FRMPD3: variants seen among roughly 807,000 people sequenced by gnomAD.
The protein encoded by FRMPD3 is FERM and PDZ domain-containing protein 3.
A neutral mutation model predicts 97.9 loss-of-function variants in FRMPD3; 42 were observed. The ratio of observed to expected loss-of-function variants is 0.43; its 90% CI spans 0.34 to 0.55. The LOEUF is 0.55. FRMPD3 is among the 20% of genes least tolerant of loss of function. The pLI is 0.03. For synonymous variants in FRMPD3, 577 were observed against 581.1 expected (o/e 0.99, Z 0.10); for missense variants, 1,303 against 1,457.7 (o/e 0.89, Z 1.73).
At chrX:107,573,315 T>C (rs964463024) in intron 12 of FRMPD3, among the ~76,000 whole-genome samples, 1 of 111,373 alleles carries the variant, frequency 9.0e-6, no homozygotes, top group African/African-American at 3.3e-5. Context: ...CTAGTGAGTC[T>C]TGGGCCCTCG....
intron 1 of FRMPD3, among the ~76,000 whole-genome samples, chrX:107,502,786 T>A (rs1046225254): frequency 1.8e-5 from 2 of 112,625 alleles, no homozygotes; most frequent in Non-Finnish European, 1.9e-5. Context: ...ATATTTAAAA[T>A]CTTGTATTGC....
At chrX:107,530,587 C>A (rs957282568) in intron 3 of FRMPD3, 76 bp downstream of exon 3, 48 of 680,802 alleles carry the variant, frequency 7.1e-5, no homozygotes, top group Non-Finnish European at 9.7e-5. Flanking sequence ...CCACCACTAT[C>A]CCCCCCTCGC....
chrX:107,545,621 A>T lies in FRMPD3; in HGVS notation c.298-116A>T, dbSNP rs1312808322. On this transcript the variant is annotated intron_variant, in intron 4 of 14. Coordinates refer to ENST00000683843, the MANE Select transcript of FRMPD3 (RefSeq NM_001388459.1). ...ATAGGTAATTAATATTTGTTTATTG[A>T]CTCCTTGATCAGTAATGCAAAGTGT... The T allele has an allele frequency of 2.0e-5, 10 of 501,740 alleles. No homozygotes were observed. The Middle Eastern group carries it at 1.0e-3, about 51-fold the overall frequency. 41.3% of individuals were successfully genotyped at this position (501,740 alleles called of 1,213,427 possible). A position where few individuals can be genotyped will look rare whatever the true frequency, so the allele number is the denominator to read the frequency against.
intron 1 of FRMPD3, among the ~76,000 whole-genome samples, chrX:107,480,280 C>A (rs1921310032): frequency 9.0e-6 from 1 of 111,098 alleles, no homozygotes; most frequent in South Asian, 3.8e-4. Context: ...ATAGATGAGT[C>A]CCTGTGCAGT....
At chrX:107,527,879 G>A (rs940785666) in intron 2 of FRMPD3, among the ~76,000 whole-genome samples, 8 of 111,593 alleles carry the variant, frequency 7.2e-5, no homozygotes, top group South Asian at 3.8e-4. Context: ...ACAGGAGTCC[G>A]TGGCTGACCT....
intron 13 of FRMPD3, among the ~76,000 whole-genome samples, chrX:107,582,537 A>C (rs761876600): frequency 8.9e-6 from 1 of 112,491 alleles, no homozygotes; most frequent in Non-Finnish European, 1.9e-5. Context: ...GTGGTAGCTC[A>C]TGTTTACGAT....
At chrX:107,596,484 G>A (rs1924173603) in intron 13 of FRMPD3, among the ~76,000 whole-genome samples, 1 of 112,147 alleles carries the variant, frequency 8.9e-6, no homozygotes. Context: ...AAAACAGTGA[G>A]AGAAGGTATT....
intron 1 of FRMPD3, among the ~76,000 whole-genome samples, chrX:107,498,540 A>G (rs901713070): frequency 7.1e-5 from 8 of 112,118 alleles, no homozygotes; most frequent in African/African-American, 2.6e-4. Flanking sequence ...ACCCAGAAAT[A>G]GCTCCCCAAC....
intron 4 of FRMPD3, among the ~76,000 whole-genome samples, chrX:107,540,478 A>C (rs746968094): frequency 1.7e-3 from 193 of 112,123 alleles, no homozygotes; most frequent in Non-Finnish European, 3.1e-3. Flanking sequence ...ACAGACAACA[A>C]ATTTAAAAAA....
At chrX:107,540,943 T>C (rs1327014420) in intron 4 of FRMPD3, among the ~76,000 whole-genome samples, 1 of 112,736 alleles carries the variant, frequency 8.9e-6, no homozygotes, top group Non-Finnish European at 1.9e-5. Context: ...TATGAATTAG[T>C]GCAGAGGTTG....
chrX:107,554,321 G>A lies in FRMPD3; in HGVS notation c.643-64G>A, dbSNP rs1921987254. Reference sequence around the variant, plus strand: ...ACCTTAAAGAGCCACTGAGCTGCCAGCCCAACACCCCAGCCATTGATTCCA... The same window carrying A: ...ACCTTAAAGAGCCACTGAGCTGCCAACCCAACACCCCAGCCATTGATTCCA... On this transcript the variant is annotated intron_variant, in intron 7 of 14. Transcript: ENST00000683843. 3.5e-6 allele frequency: 4 copies of A among 1,147,108 alleles called. No homozygotes were observed. In the Admixed American group the frequency reaches 7.6e-5, roughly 22 times the overall value. 94.5% of individuals were successfully genotyped at this position (1,147,108 alleles called of 1,213,427 possible).
In FRMPD3 at chrX:107,603,134, A is replaced by G; in HGVS notation, c.5095A>G (p.Asn1699Asp). The change falls in exon 15 of 15, where the codon AAC (asparagine) becomes GAC (aspartate). Residue 1699 changes from asparagine (N) to aspartate (D), a missense_variant. This residue lies in a region of FRMPD3 where 764 missense variants were observed against 820.2 expected (regional missense o/e 0.93). Coordinates refer to ENST00000683843, the MANE Select transcript of FRMPD3 (RefSeq NM_001388459.1). Reference sequence around the variant, plus strand: ...GGCCAAGGTAGAAGAGGTGGTGAGGAACTACACCTTCCTGCTGCGTGCAGC... The same window carrying G: ...GGCCAAGGTAGAAGAGGTGGTGAGGGACTACACCTTCCTGCTGCGTGCAGC... Reference protein sequence around the residue: ...LLAKVEEVVRNYTFLLRAAEE... With the variant: ...LLAKVEEVVRDYTFLLRAAEE... 2 of 1,191,919 alleles carry G rather than the reference A, an allele frequency of 1.7e-6. No homozygotes were observed. The highest frequency in any genetic ancestry group is 2.3e-6 in the Non-Finnish European group (2 of 887,690).
intron 12 of FRMPD3, among the ~76,000 whole-genome samples, chrX:107,573,793 C>G (rs1923002253): frequency 8.9e-6 from 1 of 112,341 alleles, no homozygotes; most frequent in Non-Finnish European, 1.9e-5. Flanking sequence ...GTATTTGATC[C>G]AACACAAGAC....
intron 1 of FRMPD3, among the ~76,000 whole-genome samples, chrX:107,480,219 C>T (rs1921308467): frequency 9.0e-6 from 1 of 111,433 alleles, no homozygotes; most frequent in Non-Finnish European, 1.9e-5. Context: ...AGATGAGTCG[C>T]AGGCTCTAAG....
Position 107,597,826 on chromosome X carries a change from TGAGGAGGAG to T in FRMPD3, c.1959_1967del (p.Glu654_Glu656del). 9 of 1,178,469 alleles carry T rather than the reference TGAGGAGGAG, an allele frequency of 7.6e-6. No homozygotes were observed. The highest frequency in any genetic ancestry group is 1.0e-5 in the Non-Finnish European group (9 of 880,101). On this transcript the variant is annotated inframe_deletion, in exon 14 of 15. Coordinates refer to ENST00000683843, the MANE Select transcript of FRMPD3 (RefSeq NM_001388459.1). ...TGATGTCCCTCCCACCACCTGGGAG[TGAGGAGGAG>T]GAGGAGGAGGAAGATGAGACAACTT...
chrX:107,556,109 G>T (rs1337959310), intron 8 of FRMPD3, among the ~76,000 whole-genome samples: 1 of 111,201 alleles, frequency 9.0e-6, no homozygotes, highest in East Asian at 2.8e-4. Flanking sequence ...CTTAATGAGA[G>T]AAAAAAACCT....
chrX:107,493,251 T>C (rs1403177501), intron 1 of FRMPD3, among the ~76,000 whole-genome samples: 1 of 109,724 alleles, frequency 9.1e-6, no homozygotes, highest in African/African-American at 3.3e-5. Flanking sequence ...TCATTATATG[T>C]TACCCAGAGA....
intron 1 of FRMPD3, among the ~76,000 whole-genome samples, chrX:107,517,728 T>G (rs1179869377): frequency 1.0e-5 from 1 of 99,344 alleles, no homozygotes; most frequent in Non-Finnish European, 2.0e-5. Context: ...GCCATTGCAC[T>G]CCAGCCTGGG....
intron 13 of FRMPD3, among the ~76,000 whole-genome samples, chrX:107,591,150 T>C (rs1369162352): frequency 4.5e-5 from 5 of 110,370 alleles, no homozygotes; most frequent in Non-Finnish European, 9.5e-5. Flanking sequence ...TCTTTCTTTC[T>C]TTCTTTCTTT....
Sources: gnomAD v4.1 joint callset for allele counts (sites outside exome capture counted in the v4.1 genomes callset) on GRCh38, gnomAD v4.1.1 for gene constraint, gnomAD v4.1.1 regional missense constraint, MANE v1.5 for transcripts, NCBI Gene and HGNC (gene_info 2026-07-23, HGNC 2026-07-21) for gene names.